The following SMARCB1 variants were observed in gnomAD, a reference collection of about 807,000 sequenced individuals.
The protein encoded by SMARCB1 is SWI/SNF related BAF chromatin remodeling complex subunit B1.
A neutral mutation model predicts 49.0 loss-of-function variants in SMARCB1; 5 were observed. The ratio of observed to expected loss-of-function variants is 0.10; its 90% CI spans 0.05 to 0.21. SMARCB1 has a LOEUF of 0.21. Ranked by LOEUF, SMARCB1 falls within the 10% of genes least tolerant of loss-of-function variation. The pLI is 1.00. For synonymous variants in SMARCB1, 201 were observed against 200.1 expected (o/e 1.00, Z -0.04); for missense variants, 226 against 509.2 (o/e 0.44, Z 5.35).
rs1929107625 is a variant in SMARCB1 at position 23,800,953 on chromosome 22, G to A, written c.372G>A (p.Lys124=). 2.5e-6 allele frequency: 4 copies of A among 1,613,576 alleles called. No homozygotes were observed. Among genetic ancestry groups the A allele is most frequent in the Non-Finnish European group, 3.4e-6 (4 of 1,179,484 alleles). Residue 124 remains lysine, a synonymous_variant, in exon 4 of 9, where the codon AAG becomes AAA. Coordinates refer to ENST00000644036, the MANE Select transcript of SMARCB1 (RefSeq NM_003073.5). ...TEPPTYLREQ[K]AKRNSQWVPT... ...TCTTGTATCTCCTCAGGGAACAGAA[G>A]GCCAAGAGGAACAGCCAGTGGGTAC...
intron 5 of SMARCB1, among the ~76,000 whole-genome samples, chr22:23,814,709 G>A (rs35374878): frequency 0.096 from 14,615 of 151,454 alleles, 2,081 homozygotes; most frequent in African/African-American, 0.32. Flanking sequence ...AGTGGCTCAC[G>A]CCTGTAATCC....
intron 1 of SMARCB1, among the ~76,000 whole-genome samples, chr22:23,790,676 C>T (rs959032822): frequency 3.3e-5 from 5 of 152,030 alleles, no homozygotes; most frequent in Non-Finnish European, 7.4e-5. Flanking sequence ...AACTCCGTCT[C>T]TACAAAAAAT....
At chr22:23,809,327 A>T (rs573189497) in intron 5 of SMARCB1, among the ~76,000 whole-genome samples, 9 of 145,364 alleles carry the variant, frequency 6.2e-5, no homozygotes, top group African/African-American at 2.3e-4. Context: ...CCCAGGCTGG[A>T]GTGCAATGGC....
At chr22:23,810,899 G>C (rs920643175) in intron 5 of SMARCB1, among the ~76,000 whole-genome samples, 1 of 152,000 alleles carries the variant, frequency 6.6e-6, no homozygotes, top group African/African-American at 2.4e-5. Flanking sequence ...GTGTGGTGGC[G>C]GGCGCCTGTA....
Position 23,837,440 on chromosome 22 carries a change from G to T in SMARCB1, c.*3260G>T. On this transcript the variant is annotated 3_prime_UTR_variant, in exon 9 of 9. Transcript: ENST00000644036. ...TCCCATCCTCACTCCCATCAGGACC[G>T]TGCAAGCATCAGTAGATCCGTCCTG... The T allele has an allele frequency of 1.5e-6, 1 of 649,476 alleles. No homozygotes were observed. The highest frequency in any genetic ancestry group is 2.6e-6 in the Non-Finnish European group (1 of 380,776). The allele number at this position is 649,476 out of a possible 1,614,324, so 40.2% of individuals were successfully genotyped here.
rs1045454224 is a variant in SMARCB1, at chr22:23,786,983, G to C, written c.-187G>C. 8.1e-6 allele frequency: 4 copies of C among 496,720 alleles called. No individual in the cohort carries two copies. The African/African-American group carries it at 8.2e-5, about 10-fold the overall frequency. 30.8% of individuals were successfully genotyped at this position (496,720 alleles called of 1,614,324 possible). On this transcript the variant is annotated 5_prime_UTR_variant, in exon 1 of 9. Coordinates refer to ENST00000644036, the MANE Select transcript of SMARCB1 (RefSeq NM_003073.5). ...GCGTCAACGCCAGCGCCTGCGCACT[G>C]AGGGCGGCCTGGTCGTCGTCTGCGG...
At chr22:23,813,621 G>A (rs34763759) in intron 5 of SMARCB1, among the ~76,000 whole-genome samples, 6,432 of 152,090 alleles carry the variant, frequency 0.042, 431 homozygotes, top group African/African-American at 0.15. Context: ...AAACACTGAC[G>A]AAAGTAATGA....
intron 6 of SMARCB1, chr22:23,818,135 T>TGGGG (rs199771832): frequency 2.9e-5 from 2 of 69,860 alleles, no homozygotes; most frequent in African/African-American, 7.8e-5. Context: ...CGAAATACTT[T>TGGGG]GGGTGTGTGT....
rs564917972 is a variant in SMARCB1, at chr22:23,793,995, A to C, written c.362+307A>C. Among the ~76,000 whole-genome samples the C allele has an allele frequency of 3.3e-3, 504 of 152,126 alleles. 1 individual carries two copies. Among genetic ancestry groups the C allele is most frequent in the African/African-American group, 0.012 (479 of 41,486 alleles). ...GTTTCACTCTTGTTGCCCAGGATGG[A>C]GTGCAATGGCGTGATCTCAGCTCAC... On this transcript the variant is annotated intron_variant, in intron 3 of 8. Transcript: ENST00000644036.
intron 3 of SMARCB1, among the ~76,000 whole-genome samples, chr22:23,793,978 C>G (rs896619555): frequency 6.6e-6 from 1 of 152,116 alleles, no homozygotes; most frequent in Non-Finnish European, 1.5e-5. Context: ...GAGTTTCACT[C>G]TTGTTGCCCA....
Position 23,835,650 on chromosome 22 carries a change from A to G in SMARCB1, c.*1470A>G. The G allele has an allele frequency of 1.0e-6, 1 of 985,526 alleles. No homozygotes were observed. Among genetic ancestry groups the G allele is most frequent in the Non-Finnish European group, 1.2e-6 (1 of 829,974 alleles). The allele number at this position is 985,526 out of a possible 1,614,324, so 61.0% of individuals were successfully genotyped here. A position where few individuals can be genotyped will look rare whatever the true frequency, so the allele number is the denominator to read the frequency against. ...AGCTGGGCCTTACTGGAAGGCCTTG[A>G]ACAAAGGGGAAGATTCCCAGCCCAG... On this transcript the variant is annotated 3_prime_UTR_variant, in exon 9 of 9. Coordinates refer to ENST00000644036, the MANE Select transcript of SMARCB1 (RefSeq NM_003073.5).
chr22:23,825,474 G>T (rs2146027392), intron 7 of SMARCB1, 59 bp downstream of exon 7: 1 of 1,414,906 alleles, frequency 7.1e-7, no homozygotes. Flanking sequence ...TTTTGAGAAA[G>T]ACTTCTCTGT....
rs781629130 is a variant in SMARCB1 at position 23,834,207 on chromosome 22, G to A, written c.*27G>A. 2.4e-5 allele frequency: 37 copies of A among 1,573,766 alleles called. No homozygotes were observed. The highest frequency in any genetic ancestry group is 1.8e-5 in the Admixed American group (1 of 55,278). On this transcript the variant is annotated 3_prime_UTR_variant, in exon 9 of 9. Coordinates refer to ENST00000644036, the MANE Select transcript of SMARCB1 (RefSeq NM_003073.5). ...CAGCCCATCAGCACACGGCTCCCAC[G>A]GAGCATCTCAGAAGATTGGGCCGCC...
At chr22:23,801,669 T>C (rs771103371) in intron 4 of SMARCB1, 5 of 309,698 alleles carry the variant, frequency 1.6e-5, no homozygotes, top group Non-Finnish European at 2.5e-5. Context: ...CACGTGGCCT[T>C]CTCTGCATGA....
chr22:23,830,289 C>T (rs2030585453), intron 7 of SMARCB1, among the ~76,000 whole-genome samples: 1 of 152,224 alleles, frequency 6.6e-6, no homozygotes, highest in Admixed American at 6.5e-5. Context: ...GTGCGATTCC[C>T]GTTTCTCTGG....
chr22:23,814,385 G>A (rs1050847622), intron 5 of SMARCB1, among the ~76,000 whole-genome samples: 4 of 152,234 alleles, frequency 2.6e-5, no homozygotes, highest in African/African-American at 7.2e-5. Context: ...TAGGCAAGTA[G>A]GCTGGCACAG....
At chr22:23,794,985 G>A (rs944075925) in intron 3 of SMARCB1, among the ~76,000 whole-genome samples, 3 of 152,098 alleles carry the variant, frequency 2.0e-5, no homozygotes, top group Non-Finnish European at 4.4e-5. Flanking sequence ...GGGAAGTTAC[G>A]ATGTTGTATC....
At chr22:23,794,233 C>T (rs891467905) in intron 3 of SMARCB1, among the ~76,000 whole-genome samples, 6 of 152,236 alleles carry the variant, frequency 3.9e-5, no homozygotes, top group Admixed American at 1.3e-4. Flanking sequence ...TGAGCCACCG[C>T]GCCCGGTCCT....
chr22:23,815,172 A>C (rs1930111849), intron 5 of SMARCB1: 1 of 152,112 alleles, frequency 6.6e-6, no homozygotes, highest in South Asian at 2.1e-4. Flanking sequence ...GGTCACTCAC[A>C]AGCTGCTGAT....
Sources: gnomAD v4.1 joint callset for allele counts (sites outside exome capture counted in the v4.1 genomes callset) on GRCh38, gnomAD v4.1.1 for gene constraint, MANE v1.5 for transcripts, NCBI Gene and HGNC (gene_info 2026-07-23, HGNC 2026-07-21) for gene names.